SH3PXD2B: variants seen among roughly 807,000 people sequenced by gnomAD.
SH3PXD2B encodes the protein SH3 and PX domain-containing protein 2B.
A neutral mutation model predicts 73.1 loss-of-function variants in SH3PXD2B; 37 were observed. The ratio of observed to expected loss-of-function variants is 0.51; its 90% CI spans 0.39 to 0.67. The LOEUF is 0.67. Ranked by LOEUF, SH3PXD2B falls within the 30% of genes least tolerant of loss-of-function variation. SH3PXD2B has a pLI of 0.00. For synonymous variants in SH3PXD2B, 457 were observed against 480.5 expected (o/e 0.95, Z 0.64); for missense variants, 1,053 against 1,197.8 (o/e 0.88, Z 1.78).
chr5:172,335,713 C>A lies in SH3PXD2B; in HGVS notation c.*2656G>T. ...TCGCTCACAGAATAGCGACCACAGT[C>A]CTGGATGGGGTAAATCTAAGTCCCC... On this transcript the variant is annotated 3_prime_UTR_variant, in exon 13 of 13. Coordinates refer to ENST00000311601, the MANE Select transcript of SH3PXD2B (RefSeq NM_001017995.3). 8.1e-7 allele frequency: 1 copy of A among 1,231,676 alleles called. No individual in the cohort carries two copies. Among genetic ancestry groups the A allele is most frequent in the Non-Finnish European group, 1.0e-6 (1 of 987,970 alleles). 76.3% of individuals were successfully genotyped at this position (1,231,676 alleles called of 1,614,324 possible). A position where few individuals can be genotyped will look rare whatever the true frequency, so the allele number is the denominator to read the frequency against.
chr5:172,350,645 G>T, intron 9 of SH3PXD2B, 56 bp from the exon 10 acceptor site: 1 of 1,514,998 alleles, frequency 6.6e-7, no homozygotes, highest in Non-Finnish European at 9.0e-7. Flanking sequence ...AAGGGAAGAA[G>T]CCTTGCTCCT....
intron 2 of SH3PXD2B, among the ~76,000 whole-genome samples, chr5:172,412,182 C>T (rs1229262984): frequency 1.3e-5 from 2 of 152,188 alleles, no homozygotes; most frequent in Admixed American, 6.5e-5. Context: ...GATTGTGAGG[C>T]TGTGTTTTAA....
At position 172,368,554 on chromosome 5, in the gene SH3PXD2B, TTA is replaced by T. The variant is rs1491167283; in HGVS notation, c.427+5234_427+5235del. ...TATATATATATAAAATATATATATATTATATATATATAAAATATGTTATATAT... is the reference window on the plus strand; with the variant it reads ...TATATATATATAAAATATATATATATTATATATATAAAATATGTTATATAT... On this transcript the variant is annotated intron_variant, in intron 6 of 12. Transcript: ENST00000311601. 6.0e-4 allele frequency among the ~76,000 whole-genome samples: 8 copies of T among 13,372 alleles called. 1 individual carries two copies. Among genetic ancestry groups the T allele is most frequent in the Admixed American group, 1.7e-3 (1 of 606 alleles). The allele number at this position is 13,372 out of a possible 152,430, so 8.8% of individuals were successfully genotyped here.
intron 1 of SH3PXD2B, among the ~76,000 whole-genome samples, chr5:172,440,112 A>T (rs112433145): frequency 0.023 from 3,569 of 152,310 alleles, 73 homozygotes; most frequent in Middle Eastern, 0.082. Flanking sequence ...GAGCCTGGGC[A>T]ATGAAGGAAA....
At chr5:172,407,175 G>T (rs968143349) in intron 2 of SH3PXD2B, among the ~76,000 whole-genome samples, 7 of 152,184 alleles carry the variant, frequency 4.6e-5, no homozygotes, top group African/African-American at 1.7e-4. Flanking sequence ...TTATTTTATG[G>T]ATTAAAGCTG....
At position 172,408,534 on chromosome 5, in the gene SH3PXD2B, C is replaced by CTTTTTTTTT. The variant is rs34377327; in HGVS notation, c.157-2191_157-2183dup. Among the ~76,000 whole-genome samples the CTTTTTTTTT allele has an allele frequency of 3.4e-3, 313 of 92,630 alleles. 10 individuals carry two copies. The highest frequency in any genetic ancestry group is 6.1e-3 in the African/African-American group (123 of 20,028). 60.8% of individuals were successfully genotyped at this position (92,630 alleles called of 152,430 possible). ...TTCTTTTGTGTGCTTTGGGTTATCA[C>CTTTTTTTTT]TTTTTTTTTTTTTTTTTTTTTGAGA... is the stretch of plus-strand genomic sequence containing the variant. On this transcript the variant is annotated intron_variant, in intron 2 of 12. Transcript: ENST00000311601.
downstream of SH3PXD2B, among the ~76,000 whole-genome samples, chr5:172,329,540 C>CTTTTTTTTTTTTTTTTTTTTTTTTTTT (rs370876232): frequency 4.0e-4 from 43 of 106,434 alleles, 10 homozygotes; most frequent in East Asian, 9.1e-4. Flanking sequence ...CTTTGTTATT[C>CTTTTTTTTTTTTTTTTTTTTTTTTTTT]TTTTTTTTTT....
At chr5:172,388,965 C>T (rs183427930) in intron 4 of SH3PXD2B, among the ~76,000 whole-genome samples, 20 of 152,306 alleles carry the variant, frequency 1.3e-4, no homozygotes, top group Non-Finnish European at 2.4e-4. Context: ...CTTCCTTTGT[C>T]ATCAGGTACT....
At chr5:172,350,203 G>A (rs1419675007) in intron 10 of SH3PXD2B, among the ~76,000 whole-genome samples, 160 bp downstream of exon 10, 1 of 152,124 alleles carries the variant, frequency 6.6e-6, no homozygotes, top group African/African-American at 2.4e-5. Flanking sequence ...TGAATGATCT[G>A]GAATAAGTTA....
chr5:172,418,035 C>T (rs990465263), intron 2 of SH3PXD2B, among the ~76,000 whole-genome samples: 11 of 152,168 alleles, frequency 7.2e-5, no homozygotes, highest in African/African-American at 2.2e-4. Context: ...TTTTAACTCA[C>T]GAGAACCTTG....
intron 2 of SH3PXD2B, among the ~76,000 whole-genome samples, chr5:172,419,786 G>C (rs1259789326): frequency 6.6e-6 from 1 of 152,140 alleles, no homozygotes; most frequent in East Asian, 1.9e-4. Context: ...ATAACAATCA[G>C]GTGTTATTGT....
At chr5:172,436,549 C>T (rs191322711) in intron 1 of SH3PXD2B, among the ~76,000 whole-genome samples, 3 of 152,292 alleles carry the variant, frequency 2.0e-5, no homozygotes, top group Non-Finnish European at 4.4e-5. Flanking sequence ...TGCCCAAGGT[C>T]CTGTAGCCAG....
chr5:172,393,003 C>T (rs1016175812), intron 4 of SH3PXD2B, among the ~76,000 whole-genome samples: 1 of 152,174 alleles, frequency 6.6e-6, no homozygotes, highest in African/African-American at 2.4e-5. Flanking sequence ...TAATATGGCT[C>T]ATCTAACGTT....
Position 172,452,778 on chromosome 5 carries a change from C to G in SH3PXD2B, c.75+1500G>C, listed in dbSNP as rs532602064. 1.1e-4 allele frequency among the ~76,000 whole-genome samples: 16 copies of G among 152,128 alleles called. No homozygotes were observed. In the South Asian group the frequency reaches 3.3e-3, roughly 32 times the overall value. On this transcript the variant is annotated intron_variant, in intron 1 of 12. Transcript: ENST00000311601. ...ACTGTCTTCATGCCAAAGAGGCAAA[C>G]TCACTTACACGCTAACAGGCTCAAA...
chr5:172,336,832 G>C lies in SH3PXD2B; in HGVS notation c.*1537C>G. On this transcript the variant is annotated 3_prime_UTR_variant, in exon 13 of 13. Coordinates refer to ENST00000311601, the MANE Select transcript of SH3PXD2B (RefSeq NM_001017995.3). Reference sequence around the variant, plus strand: ...TTTGCTTCTGCAGTGATTTAGTCATGCCTCTCCAGACCTCAGTTTGACAGA... The same window carrying C: ...TTTGCTTCTGCAGTGATTTAGTCATCCCTCTCCAGACCTCAGTTTGACAGA... 2.0e-6 allele frequency: 2 copies of C among 985,548 alleles called. No homozygotes were observed. The highest frequency in any genetic ancestry group is 2.4e-6 in the Non-Finnish European group (2 of 830,022). The allele number at this position is 985,548 out of a possible 1,614,324, so 61.1% of individuals were successfully genotyped here. A position where few individuals can be genotyped will look rare whatever the true frequency, so the allele number is the denominator to read the frequency against.
intron 1 of SH3PXD2B, among the ~76,000 whole-genome samples, chr5:172,440,573 A>C (rs1177185382): frequency 2.0e-5 from 3 of 152,244 alleles, no homozygotes; most frequent in Non-Finnish European, 4.4e-5. Context: ...GTCAGAGCAG[A>C]AAACTGCAGA....
intron 6 of SH3PXD2B, among the ~76,000 whole-genome samples, chr5:172,364,374 C>G (rs1272242275): frequency 6.6e-6 from 1 of 152,044 alleles, no homozygotes; most frequent in Non-Finnish European, 1.5e-5. Context: ...TGTCAAAATA[C>G]ACCCAATTGG....
intron 3 of SH3PXD2B, among the ~76,000 whole-genome samples, chr5:172,397,587 T>C (rs1435677109): frequency 1.3e-5 from 2 of 152,216 alleles, no homozygotes; most frequent in African/African-American, 4.8e-5. Flanking sequence ...TTTTGTACTC[T>C]TTCCCTTTAT....
chr5:172,334,079 T>G lies in SH3PXD2B; in HGVS notation c.*4290A>C. On this transcript the variant is annotated 3_prime_UTR_variant, in exon 13 of 13. Coordinates refer to ENST00000311601, the MANE Select transcript of SH3PXD2B (RefSeq NM_001017995.3). ...TGGCCTCTTTGAGGACAGAAGAGGT[T>G]GAGCCCCTCATCCCTGATTGGAGCT... The G allele has an allele frequency of 8.7e-7, 1 of 1,144,010 alleles. No individual in the cohort carries two copies. The highest frequency in any genetic ancestry group is 1.1e-6 in the Non-Finnish European group (1 of 925,210). 70.9% of individuals were successfully genotyped at this position (1,144,010 alleles called of 1,614,324 possible).
Sources: allele counts gnomAD v4.1 joint callset (sites outside exome capture counted in the v4.1 genomes callset), GRCh38; gene constraint gnomAD v4.1.1; transcripts MANE v1.5; gene names NCBI Gene and HGNC (gene_info 2026-07-23, HGNC 2026-07-21).